Variants in PITPNM2 observed in about 807,000 individuals in gnomAD.
PITPNM2 encodes phosphatidylinositol transfer protein membrane associated 2, also known as membrane-associated phosphatidylinositol transfer protein 2.
Under a neutral mutation model 132.2 loss-of-function variants are expected in PITPNM2, and 35 were observed. The observed-to-expected ratio is 0.26, with a 90% CI of 0.20 to 0.35. The LOEUF is 0.35. Among genes scored for constraint, PITPNM2 ranks in the 10% least tolerant of loss-of-function variants. PITPNM2 has a pLI of 1.00. For synonymous variants in PITPNM2, 738 were observed against 799.2 expected, an observed-to-expected ratio of 0.92 and a Z score of 1.29; for missense variants, 1,332 against 1,912.0, an observed-to-expected ratio of 0.70 and a Z score of 5.66.
intron 3 of PITPNM2, among the ~76,000 whole-genome samples, chr12:123,020,600 C>T (rs535626419): frequency 2.0e-5 from 3 of 152,152 alleles, no homozygotes; most frequent in Non-Finnish European, 4.4e-5. Flanking sequence ...AGGTGAGGCC[C>T]CCAGCTCCGG....
Position 123,000,655 on chromosome 12 carries a change from C to A in PITPNM2, c.1224+123G>T. ...GGCCTCTCCCCAGACAGTACCCAGG[C>A]AGGCGTGGAGGTGAGGCTGCCAGGC... On this transcript the variant is annotated intron_variant, in intron 10 of 25. Coordinates refer to ENST00000320201, the MANE Select transcript of PITPNM2 (RefSeq NM_020845.3). The surrounding 1 kb of genome is among the most constrained non-coding windows in gnomAD (Gnocchi z 5.4). 9.3e-7 allele frequency: 1 copy of A among 1,079,362 alleles called. No individual in the cohort carries two copies. The highest frequency in any genetic ancestry group is 1.4e-5 in the South Asian group (1 of 69,522). The allele number at this position is 1,079,362 out of a possible 1,614,324, so 66.9% of individuals were successfully genotyped here.
At chr12:123,129,852 T>C (rs891461758) in intron 1 of PITPNM2, among the ~76,000 whole-genome samples, 3 of 150,982 alleles carry the variant, frequency 2.0e-5, no homozygotes, top group African/African-American at 4.9e-5. Context: ...CACATGAACA[T>C]GCACACTCCT....
At chr12:123,011,043 C>T (rs895149835) in intron 5 of PITPNM2, among the ~76,000 whole-genome samples, 1 of 152,234 alleles carries the variant, frequency 6.6e-6, no homozygotes, top group Non-Finnish European at 1.5e-5. Flanking sequence ...TCACAGGCTT[C>T]CCCTCCACAG....
In PITPNM2 at chr12:122,996,903, G is replaced by A; in HGVS notation, c.1480C>T (p.Pro494Ser). ...AGACAGCCTTCGTCATGGCTGTAGG[G>A]GCTGAGGCTGGGGAGAGGGGCCAGT... ...DAFALVSNLSPYSHDEGCLSS... is the reference protein window; with the variant it reads ...DAFALVSNLSSYSHDEGCLSS... The change falls in exon 12 of 26, where the codon CCC becomes TCC. Residue 494 changes from proline to serine, a missense_variant. Pro to Ser is a moderately conservative substitution (Grantham distance 74, BLOSUM62 -1). This residue lies in a region of PITPNM2 where 710 missense variants were observed against 911.5 expected (regional missense o/e 0.78). Coordinates refer to ENST00000320201, the MANE Select transcript of PITPNM2 (RefSeq NM_020845.3). The A allele has an allele frequency of 3.2e-6, 5 of 1,573,312 alleles. No homozygotes were observed. Among genetic ancestry groups the A allele is most frequent in the Non-Finnish European group, 3.4e-6 (4 of 1,167,168 alleles).
At chr12:123,127,851 C>T (rs190760675) in intron 1 of PITPNM2, among the ~76,000 whole-genome samples, 6 of 152,118 alleles carry the variant, frequency 3.9e-5, no homozygotes, top group African/African-American at 4.8e-5. Flanking sequence ...CCTCGTGATC[C>T]GCCCGCCTTG....
intron 3 of PITPNM2, among the ~76,000 whole-genome samples, chr12:123,019,256 G>A (rs372644150): frequency 1.3e-5 from 2 of 152,178 alleles, no homozygotes; most frequent in East Asian, 3.8e-4. Context: ...AATCCCGTGG[G>A]TCAAGGGGGC....
chr12:123,067,464 C>T (rs545888348), intron 2 of PITPNM2, among the ~76,000 whole-genome samples: 1 of 142,002 alleles, frequency 7.0e-6, no homozygotes, highest in African/African-American at 2.6e-5. Flanking sequence ...CACACACACA[C>T]ACACACACAC....
intron 2 of PITPNM2, among the ~76,000 whole-genome samples, chr12:123,067,511 G>A (rs564558463): frequency 3.0e-4 from 46 of 151,342 alleles, no homozygotes; most frequent in South Asian, 6.3e-4. Context: ...AAAAGAAGAA[G>A]AGGAGAGGAC....
At position 123,105,375 on chromosome 12, in the gene PITPNM2, C is replaced by T. The variant is rs564100677; in HGVS notation, c.-96+5010G>A. The T allele has an allele frequency of 9.2e-5, 14 of 152,302 alleles. No individual in the cohort carries two copies. In the East Asian group the frequency reaches 1.9e-3, roughly 21 times the overall value. 9.4% of individuals were successfully genotyped at this position (152,302 alleles called of 1,614,324 possible). On this transcript the variant is annotated intron_variant, in intron 2 of 25. Coordinates refer to ENST00000320201, the MANE Select transcript of PITPNM2 (RefSeq NM_020845.3). Reference sequence around the variant, plus strand: ...CTCACTAAATACGTGTGGAATGAATCGCTGCTGATCCACTGAGGGGTCAAT... The same window carrying T: ...CTCACTAAATACGTGTGGAATGAATTGCTGCTGATCCACTGAGGGGTCAAT...
At chr12:123,126,018 C>T (rs531195089) in intron 1 of PITPNM2, among the ~76,000 whole-genome samples, 54 of 150,602 alleles carry the variant, frequency 3.6e-4, no homozygotes, top group African/African-American at 1.2e-3. Flanking sequence ...TACAGGCACC[C>T]GCCACCACGC....
chr12:123,145,446 C>T (rs185250552), intron 1 of PITPNM2, among the ~76,000 whole-genome samples: 6 of 152,240 alleles, frequency 3.9e-5, no homozygotes, highest in East Asian at 1.9e-4. Context: ...CCATGACTCC[C>T]GCTGACGTCC....
chr12:123,066,264 G>A (rs144105792), intron 2 of PITPNM2, among the ~76,000 whole-genome samples: 1 of 152,248 alleles, frequency 6.6e-6, no homozygotes, highest in East Asian at 1.9e-4. Context: ...TCAAGATCGA[G>A]CAAGGGGAGG....
In PITPNM2 at chr12:122,986,332, C is replaced by T. The variant is rs749727607; in HGVS notation, c.3745G>A (p.Ala1249Thr). 17 of 1,579,062 alleles carry T rather than the reference C, an allele frequency of 1.1e-5. No individual in the cohort carries two copies. Among genetic ancestry groups the T allele is most frequent in the Non-Finnish European group, 1.4e-5 (16 of 1,164,344 alleles). ...QQCQFITDGYAAHLAQLKYSH... is the reference protein window; with the variant it reads ...QQCQFITDGYTAHLAQLKYSH... Reference sequence around the variant, plus strand: ...TACTTCAGCTGCGCCAGGTGGGCCGCGTAGCCATCCGTGATGAACTGCGGG... The same window carrying T: ...TACTTCAGCTGCGCCAGGTGGGCCGTGTAGCCATCCGTGATGAACTGCGGG... Residue 1249 changes from alanine (A) to threonine (T), a missense_variant, in exon 26 of 26, where the codon GCG becomes ACG. Physicochemically the swap from Ala to Thr is moderately conservative, Grantham distance 58. Transcript: ENST00000320201.
In PITPNM2 at chr12:123,097,016, TTTA is replaced by T. The variant is rs2042427695; in HGVS notation, c.-96+13366_-96+13368del. Among the ~76,000 whole-genome samples, 1 of 151,938 alleles carries T rather than the reference TTTA, an allele frequency of 6.6e-6. No individual in the cohort carries two copies. Among genetic ancestry groups the T allele is most frequent in the African/African-American group, 2.4e-5 (1 of 41,342 alleles). ...GGCCACCCTGCCATCTCTCTTTATT[TTTA>T]TTATTATTTATTTATTTATTTATTT... is the stretch of plus-strand genomic sequence containing the variant. On this transcript the variant is annotated intron_variant, in intron 2 of 25. Coordinates refer to ENST00000320201, the MANE Select transcript of PITPNM2 (RefSeq NM_020845.3). This position sits in a 1 kb window ranked among gnomAD's most constrained non-coding sequence, Gnocchi z 4.7.
rs1235088886 is a variant in PITPNM2, at chr12:123,004,634, GA to G, written c.953-146del. 1.4e-6 allele frequency: 1 copy of G among 729,102 alleles called. No homozygotes were observed. The highest frequency in any genetic ancestry group is 2.1e-5 in the Admixed American group (1 of 47,520). The allele number at this position is 729,102 out of a possible 1,614,324, so 45.2% of individuals were successfully genotyped here. On this transcript the variant is annotated intron_variant, in intron 7 of 25. Transcript: ENST00000320201. The surrounding 1 kb of genome is among the most constrained non-coding windows in gnomAD (Gnocchi z 4.9). ...ACAGGAGCCAGGAAGGTTCCGAAGAGAATGAAGTGTGTAAATGAGTGGGGAG... is the reference window on the plus strand; with the variant it reads ...ACAGGAGCCAGGAAGGTTCCGAAGAGATGAAGTGTGTAAATGAGTGGGGAG...
chr12:122,987,170 G>C (rs1383478061), intron 23 of PITPNM2, 111 bp downstream of exon 23: 2 of 1,483,932 alleles, frequency 1.3e-6, no homozygotes, highest in East Asian at 2.3e-5. Context: ...CCCAGTGCCC[G>C]AGCCAGGCGT....
Position 123,000,565 on chromosome 12 carries a change from T to C in PITPNM2, c.1224+213A>G. ...AGGGGTTGTCTGTAGTCCCTGGTTC[T>C]CGGGGACCTCAGAGACAGAGGGCGA... On this transcript the variant is annotated intron_variant, in intron 10 of 25. Coordinates refer to ENST00000320201, the MANE Select transcript of PITPNM2 (RefSeq NM_020845.3). The surrounding 1 kb of genome is among the most constrained non-coding windows in gnomAD (Gnocchi z 5.4). 1.5e-6 allele frequency: 1 copy of C among 673,432 alleles called. No homozygotes were observed. Among genetic ancestry groups the C allele is most frequent in the African/African-American group, 1.8e-5 (1 of 55,742 alleles). The allele number at this position is 673,432 out of a possible 1,614,324, so 41.7% of individuals were successfully genotyped here. A position where few individuals can be genotyped will look rare whatever the true frequency, so the allele number is the denominator to read the frequency against.
At position 123,023,211 on chromosome 12, in the gene PITPNM2, C is replaced by T. The variant is rs567951815; in HGVS notation, c.79-9169G>A. Reference sequence around the variant, plus strand: ...TGTGTCTCCTGGACTTGGTGTATGGCGCAGGGAACTGAGGGCTGTGCTCCC... The same window carrying T: ...TGTGTCTCCTGGACTTGGTGTATGGTGCAGGGAACTGAGGGCTGTGCTCCC... On this transcript the variant is annotated intron_variant, in intron 3 of 25. Coordinates refer to ENST00000320201, the MANE Select transcript of PITPNM2 (RefSeq NM_020845.3). The surrounding 1 kb of genome is among the most constrained non-coding windows in gnomAD (Gnocchi z 4.8). 1.6e-4 allele frequency among the ~76,000 whole-genome samples: 24 copies of T among 152,312 alleles called. 1 individual carries two copies. The South Asian group carries it at 4.1e-3, about 26-fold the overall frequency.
At chr12:122,995,321 G>A in intron 14 of PITPNM2, 68 bp downstream of exon 14, 1 of 1,518,690 alleles carries the variant, frequency 6.6e-7, no homozygotes, top group Non-Finnish European at 8.8e-7. Context: ...CATCACAGGG[G>A]ATGTTCCTCC....
Sources: gnomAD v4.1 joint callset for allele counts (sites outside exome capture counted in the v4.1 genomes callset) on GRCh38, gnomAD v4.1.1 for gene constraint, gnomAD v4.1.1 regional missense constraint, Gnocchi (gnomAD v3.1) non-coding constraint, MANE v1.5 for transcripts, NCBI Gene and HGNC (gene_info 2026-07-23, HGNC 2026-07-21) for gene names.